FLT3: variants seen among roughly 807,000 people sequenced by gnomAD.
FLT3 encodes the protein receptor-type tyrosine-protein kinase FLT3.
A neutral mutation model predicts 126.6 loss-of-function variants in FLT3; 46 were observed. That is an observed-to-expected ratio of 0.36 (90% CI 0.29 to 0.46). The LOEUF (loss-of-function observed/expected upper bound fraction) is 0.46, where lower values mean the gene tolerates loss of function less well. Among genes scored for constraint, FLT3 ranks in the 20% least tolerant of loss-of-function variants. The probability of loss-of-function intolerance (pLI) is 1.00; values close to 1 mark genes in which losing one functional copy is unlikely to be tolerated. For synonymous variants in FLT3, 404 were observed against 434.4 expected, an observed-to-expected ratio of 0.93 and a Z score of 0.87; for missense variants, 1,069 against 1,190.3, an observed-to-expected ratio of 0.90 and a Z score of 1.50.
At chr13:28,011,604 G>A (rs1344624316) in intron 23 of FLT3, among the ~76,000 whole-genome samples, 2 of 145,888 alleles carry the variant, frequency 1.4e-5, no homozygotes, top group Non-Finnish European at 3.1e-5. Context: ...CAGGCTGCAT[G>A]AGCCCTAAGT....
intron 1 of FLT3, among the ~76,000 whole-genome samples, chr13:28,091,325 C>T (rs1234017761): frequency 6.9e-6 from 1 of 145,214 alleles, no homozygotes; most frequent in Non-Finnish European, 1.5e-5. Context: ...GGGTTCACGC[C>T]ATTCTCCTGC....
At chr13:28,009,110 A>G (rs1376337747) in intron 23 of FLT3, among the ~76,000 whole-genome samples, 1 of 151,300 alleles carries the variant, frequency 6.6e-6, no homozygotes, top group African/African-American at 2.4e-5. Context: ...CTGAGTAGCT[A>G]GAACTACAAG....
rs553923891 is a variant in FLT3 at position 28,008,737 on chromosome 13, C to A, written c.2860-4563G>T. Among the ~76,000 whole-genome samples the A allele has an allele frequency of 2.0e-5, 3 of 152,192 alleles. No homozygotes were observed. In the East Asian group the frequency reaches 5.8e-4, roughly 29 times the overall value. On this transcript the variant is annotated intron_variant, in intron 23 of 23. Coordinates refer to ENST00000241453, the MANE Select transcript of FLT3 (RefSeq NM_004119.3). ...CAGGTGATCCACTCGCCTCAGACTC[C>A]CAAAGTGCTAGGATTACAGGCGTGA...
intron 2 of FLT3, among the ~76,000 whole-genome samples, chr13:28,069,884 TG>T (rs1468439705): frequency 6.6e-6 from 1 of 151,858 alleles, no homozygotes; most frequent in Non-Finnish European, 1.5e-5. Flanking sequence ...GAGGCTTAGG[TG>T]GTAGGATCAG....
intron 1 of FLT3, among the ~76,000 whole-genome samples, chr13:28,073,020 A>G (rs1877661656): frequency 6.6e-6 from 1 of 150,864 alleles, no homozygotes; most frequent in South Asian, 2.1e-4. Flanking sequence ...AAAAAAAACA[A>G]CAACAACAAA....
In FLT3 at chr13:28,016,559, A is replaced by G. The variant is rs563633086; in HGVS notation, c.2542-858T>C. Among the ~76,000 whole-genome samples the G allele has an allele frequency of 5.6e-4, 86 of 152,242 alleles. No individual in the cohort carries two copies. The South Asian group carries it at 1.0e-2, about 18-fold the overall frequency. On this transcript the variant is annotated intron_variant, in intron 20 of 23. Coordinates refer to ENST00000241453, the MANE Select transcript of FLT3 (RefSeq NM_004119.3). ...GCTGGGATTACAGCTGTGAGCCACC[A>G]CACCTGGCTGTACTGATTTTCTTTT... is the stretch of plus-strand genomic sequence containing the variant.
chr13:28,088,090 G>C (rs1391175514), intron 1 of FLT3, among the ~76,000 whole-genome samples: 1 of 152,018 alleles, frequency 6.6e-6, no homozygotes, highest in Non-Finnish European at 1.5e-5. Context: ...ATTTTACCTG[G>C]TGCTGGATGT....
At chr13:28,078,763 G>T (rs1878128757) in intron 1 of FLT3, among the ~76,000 whole-genome samples, 1 of 150,650 alleles carries the variant, frequency 6.6e-6, no homozygotes, top group Non-Finnish European at 1.5e-5. Flanking sequence ...ACCCAGGCTG[G>T]AGTACAGTGG....
Position 28,050,276 on chromosome 13 carries a change from G to C in FLT3, c.615-54C>G, listed in dbSNP as rs1875320905. On this transcript the variant is annotated intron_variant, in intron 5 of 23. Coordinates refer to ENST00000241453, the MANE Select transcript of FLT3 (RefSeq NM_004119.3). ...CTAAACAAGTTTTAAAATTACAAAT[G>C]AATGCTCAAGAGGAGAACAAAGTTC... 3.2e-6 allele frequency: 5 copies of C among 1,566,258 alleles called. No individual in the cohort carries two copies. The Admixed American group carries it at 5.1e-5, about 16-fold the overall frequency.
chr13:28,082,183 C>T (rs998112592), intron 1 of FLT3, among the ~76,000 whole-genome samples: 2 of 151,994 alleles, frequency 1.3e-5, no homozygotes, highest in Non-Finnish European at 1.5e-5. Flanking sequence ...CAGGATCTTG[C>T]TCTGTCGCCC....
intron 1 of FLT3, among the ~76,000 whole-genome samples, chr13:28,091,289 T>C (rs978719856): frequency 6.2e-5 from 8 of 129,680 alleles, no homozygotes; most frequent in African/African-American, 2.3e-4. Context: ...TGGCGCGATC[T>C]CGGCTCACTG....
At chr13:28,014,413 T>C in intron 23 of FLT3, 39 bp downstream of exon 23, 1 of 1,384,250 alleles carries the variant, frequency 7.2e-7, no homozygotes, top group South Asian at 1.2e-5. Flanking sequence ...TTTACCAATT[T>C]CCTTTGTAAA....
intron 1 of FLT3, among the ~76,000 whole-genome samples, chr13:28,080,157 C>T (rs990228678): frequency 2.6e-5 from 4 of 152,176 alleles, no homozygotes; most frequent in Admixed American, 6.5e-5. Context: ...GGGTGGATCA[C>T]CTGAGGTCAG....
At chr13:28,064,323 C>T (rs989069758) in intron 2 of FLT3, among the ~76,000 whole-genome samples, 1 of 151,278 alleles carries the variant, frequency 6.6e-6, no homozygotes, top group African/African-American at 2.4e-5. Context: ...TCCTGAAATC[C>T]CAGCACTTTG....
intron 1 of FLT3, among the ~76,000 whole-genome samples, chr13:28,096,303 G>A (rs1879444471): frequency 6.6e-6 from 1 of 152,054 alleles, no homozygotes; most frequent in East Asian, 1.9e-4. Context: ...GCAGTGAGCC[G>A]AGACTGTACC....
intron 3 of FLT3, 53 bp downstream of exon 3, chr13:28,061,814 A>G: frequency 6.9e-7 from 1 of 1,459,854 alleles, no homozygotes; most frequent in Non-Finnish European, 9.5e-7. Flanking sequence ...GAAACTTGAA[A>G]CAAAATTCCA....
chr13:28,048,280 T>C lies in FLT3; in HGVS notation c.1200A>G (p.Gly400=). 2.5e-6 allele frequency: 4 copies of C among 1,613,058 alleles called. No individual in the cohort carries two copies. The highest frequency in any genetic ancestry group is 3.4e-6 in the Non-Finnish European group (4 of 1,179,438). The change falls in exon 9 of 24, where the codon GGA becomes GGG. Residue 400 remains glycine, a synonymous_variant. Coordinates refer to ENST00000241453, the MANE Select transcript of FLT3 (RefSeq NM_004119.3). ...AGAGTCCTTTGTGGTCTCACCTGTA[T>C]CCGTTATCAAGACCCTTTTGCTCAC... ...FPCEQKGLDN[G]YSISKFCNHK...
At chr13:28,032,781 G>A (rs888642303) in intron 15 of FLT3, among the ~76,000 whole-genome samples, 1 of 152,214 alleles carries the variant, frequency 6.6e-6, no homozygotes, top group Non-Finnish European at 1.5e-5. Context: ...AAAACCCAAA[G>A]AAAGAAAGCT....
At position 28,086,517 on chromosome 13, in the gene FLT3, A is replaced by G. The variant is rs538784109; in HGVS notation, c.43+13951T>C. Among the ~76,000 whole-genome samples, 5 of 152,338 alleles carry G rather than the reference A, an allele frequency of 3.3e-5. No homozygotes were observed. The East Asian group carries it at 9.6e-4, about 29-fold the overall frequency. ...AAGAGATTTAAACAATAAGAAAAAAAGGCTATACTTACTCAAATAGTTTCC... is the reference window on the plus strand; with the variant it reads ...AAGAGATTTAAACAATAAGAAAAAAGGGCTATACTTACTCAAATAGTTTCC... On this transcript the variant is annotated intron_variant, in intron 1 of 23. Coordinates refer to ENST00000241453, the MANE Select transcript of FLT3 (RefSeq NM_004119.3).
Sources: allele counts gnomAD v4.1 joint callset (sites outside exome capture counted in the v4.1 genomes callset), GRCh38; gene constraint gnomAD v4.1.1; transcripts MANE v1.5; gene names NCBI Gene and HGNC (gene_info 2026-07-23, HGNC 2026-07-21).